NRXN3: variants seen among roughly 807,000 people sequenced by gnomAD.
NRXN3 encodes neurexin 3, also known as neurexin III.
In NRXN3, 32 loss-of-function variants were observed where a neutral mutation model predicts 137.6. The observed-to-expected ratio is 0.23, with a 90% CI of 0.18 to 0.31. The LOEUF (loss-of-function observed/expected upper bound fraction) is 0.31. NRXN3 is among the 10% of genes least tolerant of loss of function. The pLI, the probability that NRXN3 is intolerant of heterozygous loss-of-function variation, is 1.00. For missense variants in NRXN3, 1,574 were observed against 2,062.5 expected, an observed-to-expected ratio of 0.76 and a Z score of 4.59; for synonymous variants, 798 against 784.5, an observed-to-expected ratio of 1.02 and a Z score of -0.29.
intron 4 of NRXN3, among the ~76,000 whole-genome samples, chr14:78,424,646 A>G (rs2093589611): frequency 1.3e-5 from 2 of 152,212 alleles, no homozygotes; most frequent in East Asian, 3.8e-4. Context: ...TGGGCTGATG[A>G]TTCAGGTATT....
At chr14:79,491,769 T>C (rs549498215) in intron 16 of NRXN3, among the ~76,000 whole-genome samples, 214 of 152,262 alleles carry the variant, frequency 1.4e-3, no homozygotes, top group African/African-American at 5.1e-3. Context: ...TGTAATTTGG[T>C]TTAGGCAGGG....
chr14:79,102,599 T>C (rs2051535123), intron 15 of NRXN3, among the ~76,000 whole-genome samples: 1 of 152,154 alleles, frequency 6.6e-6, no homozygotes, highest in Non-Finnish European at 1.5e-5. Context: ...GAGCGACATA[T>C]AGAGTTATGT....
intron 6 of NRXN3, among the ~76,000 whole-genome samples, chr14:78,661,754 C>G (rs1049348848): frequency 6.6e-6 from 1 of 152,234 alleles, no homozygotes; most frequent in Non-Finnish European, 1.5e-5. Flanking sequence ...GATAACATAC[C>G]TAACCTTCTG....
intron 15 of NRXN3, among the ~76,000 whole-genome samples, chr14:79,071,395 C>A (rs2099687541): frequency 6.6e-6 from 1 of 152,146 alleles, no homozygotes; most frequent in Non-Finnish European, 1.5e-5. Flanking sequence ...CCCCCCACTA[C>A]CCAACAGGCC....
intron 15 of NRXN3, among the ~76,000 whole-genome samples, chr14:79,117,771 C>G (rs1306603105): frequency 6.6e-6 from 1 of 152,188 alleles, no homozygotes; most frequent in East Asian, 1.9e-4. Flanking sequence ...CAGCCTCAGA[C>G]AGATTGAAGG....
At chr14:79,127,795 T>A (rs2056780242) in intron 15 of NRXN3, among the ~76,000 whole-genome samples, 1 of 152,226 alleles carries the variant, frequency 6.6e-6, no homozygotes, top group South Asian at 2.1e-4. Context: ...ATATTGATTC[T>A]TCCTACCGAT....
chr14:78,728,777 G>A (rs1190880952), intron 8 of NRXN3, among the ~76,000 whole-genome samples: 1 of 152,174 alleles, frequency 6.6e-6, no homozygotes, highest in South Asian at 2.1e-4. Context: ...GCAGGTGCCT[G>A]TAATCCCACT....
intron 15 of NRXN3, among the ~76,000 whole-genome samples, chr14:79,038,781 T>G (rs183174665): frequency 1.6e-3 from 245 of 152,268 alleles, no homozygotes; most frequent in Non-Finnish European, 2.9e-3. Flanking sequence ...TTTCCACTGA[T>G]GCCGACTGGT....
At chr14:78,195,305 T>G in intron 1 of NRXN3, among the ~76,000 whole-genome samples, 1 of 152,194 alleles carries the variant, frequency 6.6e-6, no homozygotes. Flanking sequence ...AATTGCTCGA[T>G]TGTTGGTTTG....
At chr14:79,460,771 T>A (rs1286365005) in intron 15 of NRXN3, among the ~76,000 whole-genome samples, 1 of 152,232 alleles carries the variant, frequency 6.6e-6, no homozygotes, top group Non-Finnish European at 1.5e-5. Flanking sequence ...AAGAAATGGC[T>A]TTTTCTCATG....
chr14:79,510,602 G>A (rs146603637), intron 16 of NRXN3, among the ~76,000 whole-genome samples: 1 of 152,314 alleles, frequency 6.6e-6, no homozygotes, highest in African/African-American at 2.4e-5. Context: ...AATAAACGAA[G>A]TGATTTTGGG....
At chr14:78,428,349 A>T (rs66647618) in intron 4 of NRXN3, among the ~76,000 whole-genome samples, 3 of 152,006 alleles carry the variant, frequency 2.0e-5, no homozygotes, top group African/African-American at 4.8e-5. Flanking sequence ...TTAGGCCAAC[A>T]TCAACCCTAT....
intron 8 of NRXN3, among the ~76,000 whole-genome samples, chr14:78,748,180 C>T (rs1284184144): frequency 6.6e-6 from 1 of 152,112 alleles, no homozygotes; most frequent in African/African-American, 2.4e-5. Context: ...TCAGACAGAA[C>T]CCCTTTCTTT....
chr14:78,694,738 A>G (rs2098208739), intron 6 of NRXN3, among the ~76,000 whole-genome samples: 2 of 151,896 alleles, frequency 1.3e-5, no homozygotes. Context: ...GGAGTGGATT[A>G]CTAGTATTGA....
intron 1 of NRXN3, among the ~76,000 whole-genome samples, chr14:78,186,677 C>G (rs1157566310): frequency 6.6e-6 from 1 of 152,180 alleles, no homozygotes; most frequent in Non-Finnish European, 1.5e-5. Context: ...GGGGTCCTCT[C>G]CCTGAGCTGG....
intron 10 of NRXN3, among the ~76,000 whole-genome samples, chr14:78,864,163 G>T (rs559404421): frequency 2.0e-5 from 3 of 152,058 alleles, no homozygotes; most frequent in African/African-American, 7.2e-5. Context: ...CAAAAGTTTT[G>T]CATGTACTTC....
chr14:79,148,277 T>C (rs2059484518), intron 15 of NRXN3, among the ~76,000 whole-genome samples: 1 of 152,140 alleles, frequency 6.6e-6, no homozygotes, highest in Non-Finnish European at 1.5e-5. Context: ...TAAACAGTGT[T>C]GTGAATGATT....
At chr14:79,307,766 TTCTCTCTC>T (rs887791936) in intron 15 of NRXN3, among the ~76,000 whole-genome samples, 1 of 151,560 alleles carries the variant, frequency 6.6e-6, no homozygotes. Context: ...TCACCTCTCT[TTCTCTCTC>T]TCTCTCTTTC....
chr14:78,235,040 G>GTGTATATATATATATATA (rs1555418753), intron 1 of NRXN3, among the ~76,000 whole-genome samples: 25 of 103,828 alleles, frequency 2.4e-4, no homozygotes, highest in Non-Finnish European at 3.6e-4. Context: ...ATATATATGT[G>GTGTATATATATATATATA]TGTGTGTGTG....
Sources: allele counts gnomAD v4.1 joint callset (sites outside exome capture counted in the v4.1 genomes callset), GRCh38; gene constraint gnomAD v4.1.1; transcripts MANE v1.5; gene names NCBI Gene and HGNC (gene_info 2026-07-23, HGNC 2026-07-21).